The following VCAM1 variants were observed in gnomAD, a reference collection of about 807,000 sequenced individuals.
VCAM1 encodes vascular cell adhesion molecule 1.
In VCAM1, 41 loss-of-function variants were observed where a neutral mutation model predicts 63.8. That is an observed-to-expected ratio of 0.64 (90% CI 0.50 to 0.83). VCAM1 has a LOEUF of 0.83. Ranked by LOEUF, VCAM1 falls within the 40% of genes least tolerant of loss-of-function variation. VCAM1 has a pLI of 0.00. For synonymous variants in VCAM1, 338 were observed against 320.7 expected, an observed-to-expected ratio of 1.05 and a Z score of -0.58; for missense variants, 798 against 875.5, an observed-to-expected ratio of 0.91 and a Z score of 1.12.
chr1:100,730,148 G>A (rs952222077), intron 5 of VCAM1, among the ~76,000 whole-genome samples: 7 of 151,998 alleles, frequency 4.6e-5, no homozygotes, highest in African/African-American at 1.4e-4. Flanking sequence ...AGAACATATC[G>A]TAGAGATTTT....
chr1:100,732,917 T>C (rs1017414591), intron 7 of VCAM1, among the ~76,000 whole-genome samples: 18 of 152,218 alleles, frequency 1.2e-4, no homozygotes, highest in African/African-American at 4.1e-4. Context: ...AATGCAAGCC[T>C]TCAGGACCTG....
chr1:100,727,010 A>T (rs962454609), intron 4 of VCAM1, among the ~76,000 whole-genome samples: 13 of 150,282 alleles, frequency 8.7e-5, no homozygotes, highest in African/African-American at 1.2e-4. Flanking sequence ...TTTAATTTTT[A>T]AAAAATCTGT....
Position 100,724,875 on chromosome 1 carries a change from G to A in VCAM1, c.913G>A (p.Glu305Lys). 2 of 1,612,460 alleles carry A rather than the reference G, an allele frequency of 1.2e-6. No individual in the cohort carries two copies. The highest frequency in any genetic ancestry group is 2.7e-5 in the African/African-American group (2 of 74,892). ...GATTGGGAAAAACAGAAAAGAGGTGGAATTAATTGTTCAAGGTGAGTAGAA... is the reference window on the plus strand; with the variant it reads ...GATTGGGAAAAACAGAAAAGAGGTGAAATTAATTGTTCAAGGTGAGTAGAA... ...NLIGKNRKEVELIVQEKPFTV... is the reference protein window; with the variant it reads ...NLIGKNRKEVKLIVQEKPFTV... Residue 305 changes from glutamate (E) to lysine (K), a missense_variant, in exon 4 of 9, where the codon GAA (glutamate) becomes AAA (lysine). Coordinates refer to ENST00000294728, the MANE Select transcript of VCAM1 (RefSeq NM_001078.4).
In VCAM1 at chr1:100,731,281, G is replaced by A. The variant is rs781641145; in HGVS notation, c.1288G>A (p.Val430Met). Residue 430 changes from valine to methionine, a missense_variant, in exon 6 of 9, where the codon GTG becomes ATG. Val to Met is a conservative substitution (Grantham distance 21). Transcript: ENST00000294728. The surrounding 1 kb of genome is among the most constrained non-coding windows in gnomAD (Gnocchi z 4.2). Reference protein sequence around the residue: ...SVTVSCKVPSVYPLDRLEIEL... With the variant: ...SVTVSCKVPSMYPLDRLEIEL... ...CACTGTAAGCTGCAAGGTTCCTAGC[G>A]TGTACCCCCTTGACCGGCTGGAGAT... is the stretch of plus-strand genomic sequence containing the variant. 2.5e-5 allele frequency: 41 copies of A among 1,613,812 alleles called. No individual in the cohort carries two copies. The highest frequency in any genetic ancestry group is 2.0e-4 in the East Asian group (9 of 44,852).
At chr1:100,730,368 A>G (rs1169013558) in intron 5 of VCAM1, among the ~76,000 whole-genome samples, 1 of 152,152 alleles carries the variant, frequency 6.6e-6, no homozygotes, top group Non-Finnish European at 1.5e-5. Flanking sequence ...ACATAGAAAT[A>G]TTTGAGCATG....
intron 5 of VCAM1, among the ~76,000 whole-genome samples, chr1:100,730,593 T>C (rs889433567): frequency 1.3e-5 from 2 of 152,158 alleles, no homozygotes; most frequent in South Asian, 2.1e-4. Flanking sequence ...CTTCCTTGTT[T>C]GTCTTATTTG....
Position 100,731,501 on chromosome 1 carries a change from AAACACTTTATGTCAATGGT to A in VCAM1, c.1511_1525+4del. The A allele has an allele frequency of 1.2e-6, 2 of 1,613,090 alleles. No homozygotes were observed. The highest frequency in any genetic ancestry group is 1.7e-6 in the Non-Finnish European group (2 of 1,179,638). Reference sequence around the variant, plus strand: ...GAACCCAAACAAAGGCAGAGTACGCAAACACTTTATGTCAATGGTAAGTACATATGTGAGGTATCTACAG... The same window carrying A: ...GAACCCAAACAAAGGCAGAGTACGCAAAGTACATATGTGAGGTATCTACAG... On this transcript the variant is annotated splice_donor_variant and coding_sequence_variant, in exon 6 of 9. Coordinates refer to ENST00000294728, the MANE Select transcript of VCAM1 (RefSeq NM_001078.4). LOFTEE classifies it high-confidence loss of function. The surrounding 1 kb of genome is among the most constrained non-coding windows in gnomAD (Gnocchi z 4.2).
At chr1:100,732,828 T>C (rs897146746) in intron 7 of VCAM1, 144 bp downstream of exon 7, 3 of 883,290 alleles carry the variant, frequency 3.4e-6, no homozygotes, top group Non-Finnish European at 4.9e-6. Context: ...TTCCAATGTA[T>C]GGAGAAATCT....
chr1:100,732,283 C>G, intron 6 of VCAM1, 135 bp from the exon 7 acceptor site: 1 of 917,472 alleles, frequency 1.1e-6, no homozygotes, highest in Non-Finnish European at 1.6e-6. Flanking sequence ...GGACCAAAAC[C>G]TCTTGTGGTG....
intron 5 of VCAM1, among the ~76,000 whole-genome samples, chr1:100,729,799 GA>G (rs34577442): frequency 6.6e-6 from 1 of 152,004 alleles, no homozygotes; most frequent in Non-Finnish European, 1.5e-5. Flanking sequence ...TGCAGGATGG[GA>G]AAAAAATAAG....
Position 100,732,577 on chromosome 1 carries a change from C to G in VCAM1, c.1685C>G (p.Ala562Gly), listed in dbSNP as rs763348531. The G allele has an allele frequency of 2.5e-6, 4 of 1,613,330 alleles. No homozygotes were observed. The highest frequency in any genetic ancestry group is 1.7e-4 in the Middle Eastern group (1 of 6,056). The change falls in exon 7 of 9, where the codon GCA (alanine) becomes GGA (glycine). Residue 562 changes from alanine to glycine, a missense_variant. Ala to Gly is a moderately conservative substitution (Grantham distance 60). Transcript: ENST00000294728. ...GAGCTACAGCCTCTTTCTGAGAATGCAACTCTCACCTTAATTTCTACAAAA... is the reference window on the plus strand; with the variant it reads ...GAGCTACAGCCTCTTTCTGAGAATGGAACTCTCACCTTAATTTCTACAAAA... ...NGELQPLSEN[A>G]TLTLISTKME...
intron 6 of VCAM1, 41 bp from the exon 7 acceptor site, chr1:100,732,377 G>A (rs1557906530): frequency 6.6e-7 from 1 of 1,505,942 alleles, no homozygotes; most frequent in Non-Finnish European, 8.9e-7. Context: ...TGGAACTCAG[G>A]GCATAATAGG....
At chr1:100,722,660 C>T (rs1659994453) in intron 2 of VCAM1, among the ~76,000 whole-genome samples, 1 of 152,018 alleles carries the variant, frequency 6.6e-6, no homozygotes, top group African/African-American at 2.4e-5. Flanking sequence ...GAAATGTGAT[C>T]TCTATCTCCT....
Position 100,731,582 on chromosome 1 carries a change from T to C in VCAM1, c.1525+64T>C. ...TCTCTTTATCGTGTTTGCCAGGCAA[T>C]AGTTAACATAAGGTTAATCGTTAAA... is the stretch of plus-strand genomic sequence containing the variant. On this transcript the variant is annotated intron_variant, in intron 6 of 8. Transcript: ENST00000294728. The surrounding 1 kb of genome is among the most constrained non-coding windows in gnomAD (Gnocchi z 4.2). 1 of 1,440,570 alleles carries C rather than the reference T, an allele frequency of 6.9e-7. No individual in the cohort carries two copies. The highest frequency in any genetic ancestry group is 9.4e-7 in the Non-Finnish European group (1 of 1,058,900). 89.2% of individuals were successfully genotyped at this position (1,440,570 alleles called of 1,614,324 possible). A position where few individuals can be genotyped will look rare whatever the true frequency, so the allele number is the denominator to read the frequency against.
At chr1:100,735,559 G>A (rs563914043) in intron 8 of VCAM1, 2 of 152,354 alleles carry the variant, frequency 1.3e-5, no homozygotes, top group South Asian at 4.1e-4. Flanking sequence ...CAAGTCTTAA[G>A]AGGTCTGGCA....
rs751927933 is a variant in VCAM1 at position 100,724,932 on chromosome 1, T to G, written c.928+42T>G. On this transcript the variant is annotated intron_variant, in intron 4 of 8. Coordinates refer to ENST00000294728, the MANE Select transcript of VCAM1 (RefSeq NM_001078.4). ...AAAGGAATGATAAAGGTGCTGTCAG[T>G]GGGATTTGAGCAATAGTCAACACAG... 9 of 1,599,026 alleles carry G rather than the reference T, an allele frequency of 5.6e-6. 1 individual carries two copies. The South Asian group carries it at 7.9e-5, about 14-fold the overall frequency.
At chr1:100,729,073 G>C in intron 4 of VCAM1, 34 bp from the exon 5 acceptor site, 1 of 1,485,148 alleles carries the variant, frequency 6.7e-7, no homozygotes, top group Admixed American at 2.3e-5. Flanking sequence ...AGAATCTTAT[G>C]TTCTTTTCAT....
intron 2 of VCAM1, 108 bp downstream of exon 2, chr1:100,720,859 C>G: frequency 2.3e-6 from 3 of 1,309,518 alleles, no homozygotes; most frequent in Non-Finnish European, 3.1e-6. Flanking sequence ...TGTACAGATT[C>G]TTGGCTAAAG....
rs1032127080 is a variant in VCAM1 at position 100,724,963 on chromosome 1, A to G, written c.928+73A>G. ...TTGAGCAATAGTCAACACAGCTTCA[A>G]TGCTGAAATTGCTTCCCTTAGTTTC... On this transcript the variant is annotated intron_variant, in intron 4 of 8. Transcript: ENST00000294728. 1.1e-5 allele frequency: 17 copies of G among 1,552,402 alleles called. No individual in the cohort carries two copies. In the Middle Eastern group the frequency reaches 8.4e-4, roughly 77 times the overall value.
Sources: gnomAD v4.1 joint callset for allele counts (sites outside exome capture counted in the v4.1 genomes callset) on GRCh38, gnomAD v4.1.1 for gene constraint, Gnocchi (gnomAD v3.1) non-coding constraint, MANE v1.5 for transcripts, NCBI Gene and HGNC (gene_info 2026-07-23, HGNC 2026-07-21) for gene names.